Variants in UHRF2 observed in about 807,000 individuals in gnomAD.
UHRF2 encodes ubiquitin like with PHD and ring finger domains 2.
Under a neutral mutation model 96.8 loss-of-function variants are expected in UHRF2, and 23 were observed. The ratio of observed to expected loss-of-function variants is 0.24; its 90% CI spans 0.17 to 0.34. The LOEUF (loss-of-function observed/expected upper bound fraction) is 0.34. UHRF2 is among the 10% of genes least tolerant of loss of function. UHRF2 has a pLI of 1.00. For synonymous variants in UHRF2, 385 were observed against 332.6 expected, an observed-to-expected ratio of 1.16 and a Z score of -1.72; for missense variants, 685 against 981.5, an observed-to-expected ratio of 0.70 and a Z score of 4.04.
intron 9 of UHRF2, among the ~76,000 whole-genome samples, chr9:6,490,511 C>T (rs1241444567): frequency 2.6e-5 from 4 of 152,078 alleles, no homozygotes; most frequent in Non-Finnish European, 5.9e-5. Flanking sequence ...GCCTGTAATC[C>T]CAGCTACTTG....
At chr9:6,479,692 C>T (rs1823808618) in intron 6 of UHRF2, among the ~76,000 whole-genome samples, 1 of 152,170 alleles carries the variant, frequency 6.6e-6, no homozygotes, top group East Asian at 1.9e-4. Context: ...TTTCCACAAA[C>T]TCCCTAAAAT....
chr9:6,483,772 C>T (rs1340731765), intron 8 of UHRF2, among the ~76,000 whole-genome samples: 1 of 152,224 alleles, frequency 6.6e-6, no homozygotes, highest in African/African-American at 2.4e-5. Flanking sequence ...TCACCACAAC[C>T]TCTACCTCCC....
intron 9 of UHRF2, among the ~76,000 whole-genome samples, chr9:6,488,867 C>G (rs192620875): frequency 1.3e-5 from 2 of 151,496 alleles, no homozygotes; most frequent in Non-Finnish European, 2.9e-5. Flanking sequence ...GGCTACAGGG[C>G]AGTGATGCGA....
chr9:6,435,905 G>A (rs995670114), intron 3 of UHRF2, among the ~76,000 whole-genome samples: 7 of 152,206 alleles, frequency 4.6e-5, no homozygotes, highest in South Asian at 2.1e-4. Flanking sequence ...CACCACGACC[G>A]GCCCAAAATA....
rs549159950 is a variant in UHRF2, at chr9:6,433,009, T to C, written c.385-905T>C. On this transcript the variant is annotated intron_variant, in intron 2 of 15. Transcript: ENST00000276893. Reference sequence around the variant, plus strand: ...GCATGCTCCACCACGCCTGGCTAATTTTTGTATTTTTAGTAGAGACGGGGT... The same window carrying C: ...GCATGCTCCACCACGCCTGGCTAATCTTTGTATTTTTAGTAGAGACGGGGT... Among the ~76,000 whole-genome samples the C allele has an allele frequency of 2.0e-5, 3 of 152,160 alleles. No homozygotes were observed. The South Asian group carries it at 6.2e-4, about 32-fold the overall frequency.
intron 3 of UHRF2, among the ~76,000 whole-genome samples, chr9:6,444,641 G>A (rs1821379110): frequency 6.6e-6 from 1 of 151,988 alleles, no homozygotes. Context: ...TGCTCTTGTT[G>A]CTTAGGCTGG....
chr9:6,506,011 G>C (rs376126514), intron 15 of UHRF2, 22 bp from the exon 16 acceptor site: 1 of 1,613,478 alleles, frequency 6.2e-7, no homozygotes, highest in East Asian at 2.2e-5. Context: ...GATTAAATTG[G>C]ATGTTTTTGT....
intron 14 of UHRF2, among the ~76,000 whole-genome samples, chr9:6,501,291 A>G (rs867058855): frequency 2.8e-4 from 43 of 152,334 alleles, no homozygotes; most frequent in South Asian, 4.1e-4. Context: ...GGAGTCTTCA[A>G]ATATGAACTA....
intron 3 of UHRF2, chr9:6,449,340 C>T (rs1821711832): frequency 6.6e-6 from 1 of 152,214 alleles, no homozygotes; most frequent in African/African-American, 2.4e-5. Flanking sequence ...CTGAGCTTAC[C>T]ATTAGACTGG....
chr9:6,436,907 A>G (rs1417004117), intron 3 of UHRF2, among the ~76,000 whole-genome samples: 1 of 152,232 alleles, frequency 6.6e-6, no homozygotes, highest in East Asian at 1.9e-4. Flanking sequence ...AAGATACGAT[A>G]GCTGAACTTT....
intron 3 of UHRF2, among the ~76,000 whole-genome samples, chr9:6,457,172 T>C (rs558370804): frequency 1.3e-5 from 2 of 152,000 alleles, no homozygotes; most frequent in African/African-American, 4.8e-5. Context: ...TTGTGTCCTC[T>C]TTTTTTTCGT....
chr9:6,468,230 A>G (rs1822996002), intron 4 of UHRF2, among the ~76,000 whole-genome samples: 2 of 152,232 alleles, frequency 1.3e-5, no homozygotes, highest in Non-Finnish European at 1.5e-5. Context: ...TTTTGTGCAT[A>G]AAGAGTGTCT....
intron 12 of UHRF2, chr9:6,499,383 TAACTTTAGGAGATGA>T (rs1587883754): frequency 6.6e-6 from 1 of 152,270 alleles, no homozygotes; most frequent in African/African-American, 2.4e-5. Flanking sequence ...CTCCTGCCGC[TAACTTTAGGAGATGA>T]GAAGTTTGAC....
At chr9:6,416,415 A>G (rs1341937019) in intron 1 of UHRF2, among the ~76,000 whole-genome samples, 5 of 151,440 alleles carry the variant, frequency 3.3e-5, no homozygotes, top group Admixed American at 2.6e-4. Flanking sequence ...ATTCAGGGCT[A>G]TAAGTTTTGG....
intron 1 of UHRF2, among the ~76,000 whole-genome samples, chr9:6,419,867 G>A (rs1044357151): frequency 3.3e-5 from 5 of 152,128 alleles, no homozygotes; most frequent in African/African-American, 1.2e-4. Flanking sequence ...AGCCTCCTGA[G>A]TAGCTGGGAC....
intron 10 of UHRF2, chr9:6,494,143 C>A: frequency 2.0e-6 from 1 of 499,242 alleles, no homozygotes. Flanking sequence ...TCTAGTCTTA[C>A]TGAATACATG....
Position 6,506,194 on chromosome 9 carries a change from C to A in UHRF2, c.*15C>A, listed in dbSNP as rs762872526. 2 of 1,613,164 alleles carry A rather than the reference C, an allele frequency of 1.2e-6. No individual in the cohort carries two copies. The highest frequency in any genetic ancestry group is 1.7e-6 in the Non-Finnish European group (2 of 1,179,572). On this transcript the variant is annotated 3_prime_UTR_variant, in exon 16 of 16. Coordinates refer to ENST00000276893, the MANE Select transcript of UHRF2 (RefSeq NM_152896.3). Reference sequence around the variant, plus strand: ...AAGGACGATGATCTGCCTGCTTTCACTGTGTTGTTCATGGTGGCTTTTTGG... The same window carrying A: ...AAGGACGATGATCTGCCTGCTTTCAATGTGTTGTTCATGGTGGCTTTTTGG...
chr9:6,425,358 C>T (rs1199013805), intron 2 of UHRF2, among the ~76,000 whole-genome samples: 2 of 152,132 alleles, frequency 1.3e-5, no homozygotes, highest in African/African-American at 4.8e-5. Flanking sequence ...TAAGCATTAT[C>T]TTACTTTCTG....
chr9:6,425,817 C>G (rs1425800478), intron 2 of UHRF2, among the ~76,000 whole-genome samples: 1 of 151,698 alleles, frequency 6.6e-6, no homozygotes, highest in East Asian at 1.9e-4. Flanking sequence ...ATGCTTCTTA[C>G]TGTTGGTGTG....
Sources: allele counts gnomAD v4.1 joint callset (sites outside exome capture counted in the v4.1 genomes callset), GRCh38; gene constraint gnomAD v4.1.1; transcripts MANE v1.5; gene names NCBI Gene and HGNC (gene_info 2026-07-23, HGNC 2026-07-21).